MARK1: variants seen among roughly 807,000 people sequenced by gnomAD.
MARK1 encodes the protein microtubule affinity regulating kinase 1, also known as serine/threonine-protein kinase MARK1.
MARK1 carries 40 observed loss-of-function variants against 96.3 expected under a neutral mutation model. That is an observed-to-expected ratio of 0.42 (90% CI 0.32 to 0.54). MARK1 has a LOEUF of 0.54. MARK1 is among the 20% of genes least tolerant of loss of function. The probability of loss-of-function intolerance (pLI) is 0.16; values close to 1 mark genes in which losing one functional copy is unlikely to be tolerated. For missense variants in MARK1, 719 were observed against 984.6 expected, an observed-to-expected ratio of 0.73 and a Z score of 3.61; for synonymous variants, 317 against 341.2, an observed-to-expected ratio of 0.93 and a Z score of 0.78.
At chr1:220,585,605 C>A (rs1199894448) in intron 3 of MARK1, among the ~76,000 whole-genome samples, 1 of 152,114 alleles carries the variant, frequency 6.6e-6, no homozygotes, top group Non-Finnish European at 1.5e-5. Flanking sequence ...TCTTCCAGAG[C>A]AAGCATATCC....
intron 15 of MARK1, 56 bp from the exon 16 acceptor site, chr1:220,653,045 A>C (rs1668968108): frequency 1.3e-6 from 2 of 1,591,734 alleles, no homozygotes; most frequent in African/African-American, 1.3e-5. Flanking sequence ...TTTTAGCTTG[A>C]GTGAAAGGTT....
At chr1:220,561,682 T>A (rs1025884706) in intron 1 of MARK1, among the ~76,000 whole-genome samples, 2 of 152,214 alleles carry the variant, frequency 1.3e-5, no homozygotes, top group African/African-American at 4.8e-5. Context: ...GTCTGAGTTA[T>A]TATTAAGATC....
chr1:220,599,931 C>T (rs1665629803), intron 5 of MARK1, 68 bp downstream of exon 5: 1 of 948,202 alleles, frequency 1.1e-6, no homozygotes, highest in Non-Finnish European at 1.6e-6. Flanking sequence ...CCTAAGAGTT[C>T]ATTATGACAT....
chr1:220,593,946 T>C (rs919890497), intron 3 of MARK1, among the ~76,000 whole-genome samples: 2 of 152,110 alleles, frequency 1.3e-5, no homozygotes, highest in African/African-American at 4.8e-5. Context: ...GGCACGCCAC[T>C]CAGACCAAGG....
intron 1 of MARK1, among the ~76,000 whole-genome samples, chr1:220,564,959 C>G (rs1276295913): frequency 6.6e-6 from 1 of 151,982 alleles, no homozygotes; most frequent in Admixed American, 6.6e-5. Flanking sequence ...CTTTAGATTA[C>G]TTTTTCCCCT....
intron 1 of MARK1, among the ~76,000 whole-genome samples, chr1:220,547,417 C>T (rs1661576238): frequency 6.6e-6 from 1 of 152,158 alleles, no homozygotes; most frequent in Non-Finnish European, 1.5e-5. Context: ...TCCCTTCTAC[C>T]TTCCTCTCCA....
intron 1 of MARK1, among the ~76,000 whole-genome samples, chr1:220,566,129 T>C (rs1663041908): frequency 6.6e-6 from 1 of 152,200 alleles, no homozygotes; most frequent in African/African-American, 2.4e-5. Flanking sequence ...TTAAATAATA[T>C]AATGTCTAAA....
At chr1:220,638,475 A>C (rs78720390) in intron 13 of MARK1, among the ~76,000 whole-genome samples, 2,860 of 152,160 alleles carry the variant, frequency 0.019, 90 homozygotes, top group African/African-American at 0.065. Flanking sequence ...AGCTGTTTAT[A>C]TGCTGTCTTG....
rs138556005 is a variant in MARK1, at chr1:220,661,869, G to A, written c.2091G>A (p.Pro697=). The change falls in exon 18 of 18, where the codon CCG becomes CCA. Residue 697 remains proline, a synonymous_variant. Coordinates refer to ENST00000366917, the MANE Select transcript of MARK1 (RefSeq NM_018650.5). ...RDKEEGKDSK[P]RSLRFTWSMK... ...AGGAAGAGGGTAAAGATTCTAAGCC[G>A]CGTTCTTTGCGGTTCACATGGAGTA... 30 of 1,614,104 alleles carry A rather than the reference G, an allele frequency of 1.9e-5. No homozygotes were observed. In the East Asian group the frequency reaches 2.9e-4, roughly 16 times the overall value.
intron 6 of MARK1, among the ~76,000 whole-genome samples, chr1:220,604,382 A>C (rs559835031): frequency 6.6e-6 from 1 of 152,176 alleles, no homozygotes; most frequent in African/African-American, 2.4e-5. Context: ...CACCTTATTA[A>C]GACTCTCTGA....
At chr1:220,529,107 C>A (rs1339414807) in intron 1 of MARK1, among the ~76,000 whole-genome samples, 1 of 152,198 alleles carries the variant, frequency 6.6e-6, no homozygotes. Flanking sequence ...CGCCCTCTCG[C>A]TCGGAGGTGG....
chr1:220,629,355 T>G (rs1667539030), intron 9 of MARK1, among the ~76,000 whole-genome samples: 1 of 149,884 alleles, frequency 6.7e-6, no homozygotes, highest in African/African-American at 2.4e-5. Flanking sequence ...AGATTGCCTT[T>G]TTTTTTTTTT....
intron 9 of MARK1, chr1:220,627,312 CA>C: frequency 2.0e-6 from 1 of 503,134 alleles, no homozygotes; most frequent in Admixed American, 2.3e-5. Context: ...CTTCCAACTT[CA>C]AAAAAGCCAA....
chr1:220,629,782 A>AT (rs1051867450), intron 9 of MARK1, among the ~76,000 whole-genome samples: 40 of 152,008 alleles, frequency 2.6e-4, no homozygotes, highest in African/African-American at 9.2e-4. Context: ...ATATAACAGG[A>AT]TTTTTTTTAA....
intron 1 of MARK1, among the ~76,000 whole-genome samples, chr1:220,555,627 A>G (rs1662194548): frequency 6.6e-6 from 1 of 152,210 alleles, no homozygotes; most frequent in African/African-American, 2.4e-5. Context: ...GAACCATTTA[A>G]TGAGATGAGC....
intron 13 of MARK1, among the ~76,000 whole-genome samples, chr1:220,644,262 G>T (rs768660646): frequency 9.2e-5 from 14 of 152,124 alleles, no homozygotes; most frequent in Non-Finnish European, 1.8e-4. Flanking sequence ...AGCAGGGGTT[G>T]CAATCCTAGT....
intron 17 of MARK1, among the ~76,000 whole-genome samples, chr1:220,661,292 T>C (rs561151870): frequency 1.3e-5 from 2 of 152,310 alleles, no homozygotes; most frequent in South Asian, 4.1e-4. Context: ...TGGAGGACAT[T>C]GAGATGTGTG....
intron 1 of MARK1, among the ~76,000 whole-genome samples, chr1:220,578,554 T>G (rs1273059859): frequency 6.6e-6 from 1 of 152,114 alleles, no homozygotes; most frequent in African/African-American, 2.4e-5. Context: ...GAATTAGAGG[T>G]ATACTTGAGG....
chr1:220,548,273 T>C (rs1349724935), intron 1 of MARK1, among the ~76,000 whole-genome samples: 1 of 152,348 alleles, frequency 6.6e-6, no homozygotes, highest in East Asian at 1.9e-4. Context: ...GTTAAAGTTA[T>C]CATAAAATTT....
Sources: allele counts gnomAD v4.1 joint callset (sites outside exome capture counted in the v4.1 genomes callset), GRCh38; gene constraint gnomAD v4.1.1; transcripts MANE v1.5; gene names NCBI Gene and HGNC (gene_info 2026-07-23, HGNC 2026-07-21).